GSG1L: variants seen among roughly 807,000 people sequenced by gnomAD.
GSG1L encodes the protein germ cell-specific gene 1-like protein.
GSG1L carries 24 observed loss-of-function variants against 42.1 expected under a neutral mutation model. The observed-to-expected ratio is 0.57, with a 90% CI of 0.41 to 0.80. The LOEUF is 0.80. GSG1L is among the 30% of genes least tolerant of loss of function. The pLI, the probability that GSG1L is intolerant of heterozygous loss-of-function variation, is 0.00. For synonymous variants in GSG1L, 215 were observed against 203.5 expected (o/e 1.06, Z -0.48); for missense variants, 445 against 472.2 (o/e 0.94, Z 0.53).
intron 2 of GSG1L, among the ~76,000 whole-genome samples, chr16:27,921,958 TTC>T (rs946457654): frequency 6.6e-6 from 1 of 151,720 alleles, no homozygotes; most frequent in Non-Finnish European, 1.5e-5. Context: ...TCTTTTTCTT[TTC>T]TCTCTCTCTG....
At chr16:28,026,011 C>T (rs922276649) in intron 1 of GSG1L, among the ~76,000 whole-genome samples, 3 of 152,216 alleles carry the variant, frequency 2.0e-5, no homozygotes, top group African/African-American at 7.2e-5. Flanking sequence ...ACTTCTAGCC[C>T]AGGGTCATTT....
chr16:27,799,118 A>AGCAGGCCGGGTGTGGTGTCTCAT (rs1029827504), intron 6 of GSG1L, among the ~76,000 whole-genome samples: 1 of 151,888 alleles, frequency 6.6e-6, no homozygotes, highest in Admixed American at 6.6e-5. Context: ...TAAACAAGGG[A>AGCAGGCCGGGTGTGGTGTCTCAT]GCAGGCCGGG....
chr16:27,970,600 C>T (rs913166648), intron 1 of GSG1L, among the ~76,000 whole-genome samples: 41 of 151,200 alleles, frequency 2.7e-4, no homozygotes, highest in African/African-American at 9.5e-4. Flanking sequence ...TGGGGTCTCA[C>T]TATGTTGCCC....
Position 27,791,460 on chromosome 16 carries a change from C to A in GSG1L, c.906G>T (p.Gln302His). 3 of 1,486,870 alleles carry A rather than the reference C, an allele frequency of 2.0e-6. No individual in the cohort carries two copies. Among genetic ancestry groups the A allele is most frequent in the Non-Finnish European group, 2.7e-6 (3 of 1,112,914 alleles). 92.1% of individuals were successfully genotyped at this position (1,486,870 alleles called of 1,614,324 possible). Residue 302 changes from glutamine (Q) to histidine (H), a missense_variant, in exon 7 of 7, where the codon CAG (glutamine) becomes CAT (histidine). Gln to His is a conservative substitution (Grantham distance 24). This residue lies in a region of GSG1L where 140 missense variants were observed against 120.6 expected (regional missense o/e 1.16). Coordinates refer to ENST00000447459, the MANE Select transcript of GSG1L (RefSeq NM_001109763.2). Reference sequence around the variant, plus strand: ...GGGGCCAGGAATCCGCCATGTGTGGCTGGTGTCCTGCCAGGAGACAAGGCG... The same window carrying A: ...GGGGCCAGGAATCCGCCATGTGTGGATGGTGTCCTGCCAGGAGACAAGGCG... ...CRHERYPARH[Q>H]PHMADSWPRS...
intron 1 of GSG1L, among the ~76,000 whole-genome samples, chr16:28,023,750 C>A (rs1394110892): frequency 6.6e-6 from 1 of 152,160 alleles, no homozygotes; most frequent in Non-Finnish European, 1.5e-5. Flanking sequence ...AAGAAAGTGG[C>A]ATGGTGATTC....
chr16:27,897,650 G>A (rs182401067), intron 2 of GSG1L, among the ~76,000 whole-genome samples: 365 of 152,100 alleles, frequency 2.4e-3, no homozygotes, highest in African/African-American at 8.3e-3. Context: ...ACCCTAGCCC[G>A]CACTGTGGCC....
At chr16:27,834,091 C>G (rs1369231293) in intron 4 of GSG1L, among the ~76,000 whole-genome samples, 6 of 152,090 alleles carry the variant, frequency 3.9e-5, no homozygotes, top group Non-Finnish European at 8.8e-5. Context: ...TGGTCTTTAT[C>G]AAGTTGAGGA....
At chr16:27,857,907 C>T (rs1180236609) in intron 3 of GSG1L, among the ~76,000 whole-genome samples, 1 of 152,106 alleles carries the variant, frequency 6.6e-6, no homozygotes, top group Non-Finnish European at 1.5e-5. Flanking sequence ...GGGCCCTGAT[C>T]GGCAGAGACA....
intron 1 of GSG1L, among the ~76,000 whole-genome samples, chr16:28,027,089 C>T (rs956324701): frequency 6.6e-6 from 1 of 152,134 alleles, no homozygotes; most frequent in South Asian, 2.1e-4. Context: ...GGACACACAG[C>T]AGTGGTGGAG....
Position 27,894,517 on chromosome 16 carries a change from C to T in GSG1L, c.398-9879G>A, listed in dbSNP as rs1038819614. Among the ~76,000 whole-genome samples, 13 of 152,194 alleles carry T rather than the reference C, an allele frequency of 8.5e-5. No homozygotes were observed. The East Asian group carries it at 9.6e-4, about 11-fold the overall frequency. ...TTTAATACATCAAATCAATAAGGCACGGCGCAGTGGCCGCTGGCTGTGAGA... is the reference window on the plus strand; with the variant it reads ...TTTAATACATCAAATCAATAAGGCATGGCGCAGTGGCCGCTGGCTGTGAGA... On this transcript the variant is annotated intron_variant, in intron 2 of 6. Coordinates refer to ENST00000447459, the MANE Select transcript of GSG1L (RefSeq NM_001109763.2).
At chr16:27,795,426 TAAGCCGTGTGGCTTCTGAC>T (rs998369486) in intron 6 of GSG1L, among the ~76,000 whole-genome samples, 3 of 152,184 alleles carry the variant, frequency 2.0e-5, no homozygotes, top group African/African-American at 7.2e-5. Flanking sequence ...GAATTTTTTT[TAAGCCGTGTGGCTTCTGAC>T]AAGCAACTTC....
At chr16:27,827,892 A>G (rs1214791125) in intron 5 of GSG1L, among the ~76,000 whole-genome samples, 13 of 102,564 alleles carry the variant, frequency 1.3e-4, no homozygotes, top group Admixed American at 8.3e-4. Context: ...CCATCCATCC[A>G]TCCATCCATC....
intron 3 of GSG1L, among the ~76,000 whole-genome samples, chr16:27,852,054 C>T (rs948277972): frequency 2.0e-5 from 3 of 152,212 alleles, no homozygotes; most frequent in Non-Finnish European, 2.9e-5. Flanking sequence ...GCGAATGCCA[C>T]GCTCCATTTA....
chr16:27,824,378 TGGA>T (rs1308050662), intron 5 of GSG1L, among the ~76,000 whole-genome samples: 4 of 152,072 alleles, frequency 2.6e-5, no homozygotes, highest in African/African-American at 4.8e-5. Context: ...CTGTCCCCCG[TGGA>T]GGAGAAGGAA....
chr16:27,993,152 T>TTTG (rs1401788275), intron 1 of GSG1L, among the ~76,000 whole-genome samples: 1 of 152,056 alleles, frequency 6.6e-6, no homozygotes, highest in Non-Finnish European at 1.5e-5. Context: ...CCACTTGCTT[T>TTTG]TTGTTGTTGT....
intron 1 of GSG1L, among the ~76,000 whole-genome samples, chr16:28,043,938 C>T (rs960244227): frequency 6.6e-6 from 1 of 150,988 alleles, no homozygotes; most frequent in Non-Finnish European, 1.5e-5. Context: ...GGGAGGATCG[C>T]TTGAGCCCAG....
chr16:27,826,931 G>A (rs1243797477), intron 5 of GSG1L, among the ~76,000 whole-genome samples: 1 of 152,134 alleles, frequency 6.6e-6, no homozygotes, highest in Non-Finnish European at 1.5e-5. Flanking sequence ...TTAAATCCTG[G>A]GGCTGCCTCT....
chr16:27,919,174 A>T (rs55901072), intron 2 of GSG1L, among the ~76,000 whole-genome samples: 37,965 of 152,074 alleles, frequency 0.25, 5,059 homozygotes, highest in Non-Finnish European at 0.29. Context: ...AGAGTCTTTC[A>T]ATTCTCATTC....
chr16:27,806,614 C>T (rs2082965941), intron 6 of GSG1L, among the ~76,000 whole-genome samples: 1 of 152,190 alleles, frequency 6.6e-6, no homozygotes, highest in Non-Finnish European at 1.5e-5. Context: ...ACCAACTTCC[C>T]TGGCACTTCT....
Sources: gnomAD v4.1 joint callset for allele counts (sites outside exome capture counted in the v4.1 genomes callset) on GRCh38, gnomAD v4.1.1 for gene constraint, gnomAD v4.1.1 regional missense constraint, MANE v1.5 for transcripts, NCBI Gene and HGNC (gene_info 2026-07-23, HGNC 2026-07-21) for gene names.